Variants in HSD17B2 observed in about 807,000 individuals in gnomAD.
HSD17B2 encodes hydroxysteroid 17-beta dehydrogenase 2, also known as 17-beta-hydroxysteroid dehydrogenase type 2.
A neutral mutation model predicts 26.9 loss-of-function variants in HSD17B2; 32 were observed. The ratio of observed to expected loss-of-function variants is 1.19; its 90% CI spans 0.90 to 1.60. The LOEUF (loss-of-function observed/expected upper bound fraction) is 1.60. HSD17B2 is among the 40% of genes most tolerant of loss of function. The pLI, the probability that HSD17B2 is intolerant of heterozygous loss-of-function variation, is 0.00. For missense variants in HSD17B2, 613 were observed against 468.6 expected, an observed-to-expected ratio of 1.31 and a Z score of -2.85; for synonymous variants, 246 against 186.7, an observed-to-expected ratio of 1.32 and a Z score of -2.59.
At chr16:82,054,592 G>T (rs1284781865) in intron 1 of HSD17B2, among the ~76,000 whole-genome samples, 10 of 152,148 alleles carry the variant, frequency 6.6e-5, no homozygotes, top group Non-Finnish European at 1.0e-4. Flanking sequence ...TTATCCACCT[G>T]CCCCAGCCTC....
chr16:82,089,669 G>C (rs1356978896), intron 3 of HSD17B2, among the ~76,000 whole-genome samples: 7 of 152,190 alleles, frequency 4.6e-5, no homozygotes, highest in African/African-American at 1.7e-4. Context: ...TCGAGGCTCT[G>C]GGAAAGAATC....
chr16:82,080,344 C>A (rs1306709101), intron 3 of HSD17B2, among the ~76,000 whole-genome samples: 1 of 152,080 alleles, frequency 6.6e-6, no homozygotes, highest in African/African-American at 2.4e-5. Context: ...CCTGGATATT[C>A]TGGATGAATC....
intron 3 of HSD17B2, among the ~76,000 whole-genome samples, chr16:82,073,169 A>C (rs1711699157): frequency 6.6e-6 from 1 of 152,154 alleles, no homozygotes; most frequent in Non-Finnish European, 1.5e-5. Flanking sequence ...ATTTTCATTG[A>C]AGGGAAACTC....
chr16:82,076,507 A>T (rs1597134291), intron 3 of HSD17B2, among the ~76,000 whole-genome samples: 1 of 152,372 alleles, frequency 6.6e-6, no homozygotes, highest in South Asian at 2.1e-4. Flanking sequence ...TCCATCAAAA[A>T]CAATTAAAAC....
intron 1 of HSD17B2, among the ~76,000 whole-genome samples, chr16:82,040,631 G>A (rs529676670): frequency 3.3e-4 from 50 of 152,298 alleles, no homozygotes; most frequent in Non-Finnish European, 5.7e-4. Flanking sequence ...CATCTGTTAT[G>A]TGCCCATGAC....
intron 3 of HSD17B2, among the ~76,000 whole-genome samples, chr16:82,083,423 A>G (rs1325369488): frequency 6.6e-6 from 1 of 152,166 alleles, no homozygotes; most frequent in Non-Finnish European, 1.5e-5. Context: ...TCTACCAATG[A>G]CAACTGCGTG....
At chr16:82,058,389 G>A (rs1028532309) in intron 1 of HSD17B2, among the ~76,000 whole-genome samples, 1 of 151,964 alleles carries the variant, frequency 6.6e-6, no homozygotes, top group Non-Finnish European at 1.5e-5. Flanking sequence ...TTAATAATAG[G>A]GAAACTGTAT....
intron 1 of HSD17B2, among the ~76,000 whole-genome samples, chr16:82,065,112 G>A (rs1034342255): frequency 6.6e-6 from 1 of 152,316 alleles, no homozygotes; most frequent in South Asian, 2.1e-4. Context: ...ATCTTGTGTG[G>A]AGGCACACAG....
Position 82,090,963 on chromosome 16 carries a change from C to G in HSD17B2, c.726C>G (p.Phe242Leu). ...YGSSKAAVTM[F>L]SSVMRLELSK... ...CATCAAAGGCGGCTGTGACCATGTT[C>G]TCATCAGTTATGAGACTGGAGCTTT... Residue 242 changes from phenylalanine (F) to leucine (L), a missense_variant, in exon 4 of 5, where the codon TTC becomes TTG. Transcript: ENST00000199936. 6.2e-7 allele frequency: 1 copy of G among 1,614,026 alleles called. No homozygotes were observed. The highest frequency in any genetic ancestry group is 8.5e-7 in the Non-Finnish European group (1 of 1,179,900).
intron 3 of HSD17B2, among the ~76,000 whole-genome samples, chr16:82,083,707 C>G (rs754403987): frequency 6.6e-6 from 1 of 152,108 alleles, no homozygotes; most frequent in African/African-American, 2.4e-5. Flanking sequence ...ACTGTGACAC[C>G]GAATTACCCT....
At chr16:82,066,945 T>C (rs967713149) in intron 1 of HSD17B2, among the ~76,000 whole-genome samples, 8 of 152,234 alleles carry the variant, frequency 5.3e-5, no homozygotes, top group African/African-American at 1.9e-4. Flanking sequence ...AGAACATCAT[T>C]TATGTGCCTG....
intron 3 of HSD17B2, among the ~76,000 whole-genome samples, chr16:82,078,689 T>C (rs1904317315): frequency 1.3e-5 from 2 of 152,316 alleles, no homozygotes; most frequent in Admixed American, 6.5e-5. Flanking sequence ...TATTCAGCCA[T>C]GTAAAAGAAT....
At position 82,098,415 on chromosome 16, in the gene HSD17B2, C is replaced by G; in HGVS notation, c.1143C>G (p.Asn381Lys). Reference protein sequence around the residue: ...KPMPRALRMPNYKKKAT With the variant: ...KPMPRALRMPKYKKKAT ...TGCCCAGAGCTCTAAGAATGCCTAACTACAAGAAAAAGGCCACCTAGGCAA... is the reference window on the plus strand; with the variant it reads ...TGCCCAGAGCTCTAAGAATGCCTAAGTACAAGAAAAAGGCCACCTAGGCAA... The change falls in exon 5 of 5, where the codon AAC (asparagine) becomes AAG (lysine). Residue 381 changes from asparagine (N) to lysine (K), a missense_variant. Asn to Lys is a moderately conservative substitution (Grantham distance 94). Transcript: ENST00000199936. The G allele has an allele frequency of 1.9e-6, 3 of 1,604,148 alleles. No individual in the cohort carries two copies. The highest frequency in any genetic ancestry group is 2.6e-6 in the Non-Finnish European group (3 of 1,174,550).
rs8191216 is a variant in HSD17B2 at position 82,090,041 on chromosome 16, G to C, written c.665-861G>C. The stretch of plus-strand genomic sequence containing the variant: ...AAATATGATTTAGGTGGGAAACAGA[G>C]CATCTGCTCTAGCCCTAGAATAAGT... On this transcript the variant is annotated intron_variant, in intron 3 of 4. Coordinates refer to ENST00000199936, the MANE Select transcript of HSD17B2 (RefSeq NM_002153.3). The C allele has an allele frequency of 2.7e-3, 436 of 161,100 alleles. 2 individuals are homozygous for C. Among genetic ancestry groups the C allele is most frequent in the African/African-American group, 9.7e-3 (405 of 41,694 alleles). 10.0% of individuals were successfully genotyped at this position (161,100 alleles called of 1,614,324 possible).
intron 3 of HSD17B2, among the ~76,000 whole-genome samples, chr16:82,077,598 C>G (rs1355221550): frequency 1.3e-5 from 2 of 151,996 alleles, no homozygotes; most frequent in Non-Finnish European, 2.9e-5. Flanking sequence ...GGCATGGTGG[C>G]ATGTGCCTGT....
intron 3 of HSD17B2, among the ~76,000 whole-genome samples, chr16:82,077,450 TCAGCC>T (rs1904308295): frequency 6.6e-6 from 1 of 152,132 alleles, no homozygotes; most frequent in African/African-American, 2.4e-5. Context: ...CTGAGAAAAC[TCAGCC>T]AGGTGCTGTG....
chr16:82,078,920 G>A (rs745413433), intron 3 of HSD17B2, among the ~76,000 whole-genome samples: 5 of 151,960 alleles, frequency 3.3e-5, no homozygotes, highest in Non-Finnish European at 7.4e-5. Flanking sequence ...ATGGTTAATG[G>A]GTACAAAAAA....
At position 82,098,381 on chromosome 16, in the gene HSD17B2, A is replaced by T. The variant is rs1904920807; in HGVS notation, c.1109A>T (p.Asp370Val). The change falls in exon 5 of 5, where the codon GAC becomes GTC. Residue 370 changes from aspartate to valine, a missense_variant. Coordinates refer to ENST00000199936, the MANE Select transcript of HSD17B2 (RefSeq NM_002153.3). ...DYFAKRHFGQ[D>V]KPMPRALRMP... ...TTTGCTAAAAGACATTTTGGCCAAG[A>T]CAAGCCCATGCCCAGAGCTCTAAGA... The T allele has an allele frequency of 1.9e-6, 3 of 1,613,992 alleles. No homozygotes were observed. Among genetic ancestry groups the T allele is most frequent in the Non-Finnish European group, 2.5e-6 (3 of 1,179,986 alleles).
At chr16:82,064,816 T>C (rs1245629524) in intron 1 of HSD17B2, among the ~76,000 whole-genome samples, 1 of 152,244 alleles carries the variant, frequency 6.6e-6, no homozygotes, top group Non-Finnish European at 1.5e-5. Flanking sequence ...CTGCTCTTAT[T>C]TGTAGCTTTG....
Sources: gnomAD v4.1 joint callset for allele counts (sites outside exome capture counted in the v4.1 genomes callset) on GRCh38, gnomAD v4.1.1 for gene constraint, MANE v1.5 for transcripts, NCBI Gene and HGNC (gene_info 2026-07-23, HGNC 2026-07-21) for gene names.